STAG1: variants seen among roughly 807,000 people sequenced by gnomAD.
STAG1 encodes STAG1 cohesin complex component, also known as cohesin subunit SA-1.
In STAG1, 26 loss-of-function variants were observed where a neutral mutation model predicts 170.9. That is an observed-to-expected ratio of 0.15 (90% CI 0.11 to 0.21). The LOEUF (loss-of-function observed/expected upper bound fraction) is 0.21, where lower values mean the gene tolerates loss of function less well. STAG1 is among the 10% of genes least tolerant of loss of function. The pLI is 1.00. For synonymous variants in STAG1, 514 were observed against 497.7 expected (o/e 1.03, Z -0.44); for missense variants, 964 against 1,509.5 (o/e 0.64, Z 5.99).
At chr3:136,595,899 A>T (rs1938405870) in intron 4 of STAG1, among the ~76,000 whole-genome samples, 1 of 152,182 alleles carries the variant, frequency 6.6e-6, no homozygotes, top group African/African-American at 2.4e-5. Flanking sequence ...TCAATTTTAC[A>T]AAAAGTATTC....
At position 136,724,533 on chromosome 3, in the gene STAG1, C is replaced by T. The variant is rs1369602073; in HGVS notation, c.-84+27662G>A. Among the ~76,000 whole-genome samples the T allele has an allele frequency of 4.6e-4, 70 of 151,340 alleles. 1 individual carries two copies. Among genetic ancestry groups the T allele is most frequent in the Admixed American group, 4.5e-3 (69 of 15,188 alleles). Reference sequence around the variant, plus strand: ...TTGTTCACTTGTTTATCTGCTGACCCTCCCTCCACTATTGTCCTATGACCC... The same window carrying T: ...TTGTTCACTTGTTTATCTGCTGACCTTCCCTCCACTATTGTCCTATGACCC... On this transcript the variant is annotated intron_variant, in intron 1 of 33. Transcript: ENST00000383202.
At chr3:136,493,211 T>TA (rs2090154524) in intron 9 of STAG1, among the ~76,000 whole-genome samples, 1 of 151,986 alleles carries the variant, frequency 6.6e-6, no homozygotes, top group African/African-American at 2.4e-5. Context: ...GGTATGGTAG[T>TA]GTGTGCCTGT....
chr3:136,477,691 C>A (rs2089788682), intron 9 of STAG1, among the ~76,000 whole-genome samples: 1 of 152,184 alleles, frequency 6.6e-6, no homozygotes, highest in Non-Finnish European at 1.5e-5. Context: ...GAGAGCCTCA[C>A]AACTATTACA....
In STAG1 at chr3:136,416,011, A is replaced by C. The variant is rs1046820268; in HGVS notation, c.2196+1874T>G. Among the ~76,000 whole-genome samples, 119 of 147,100 alleles carry C rather than the reference A, an allele frequency of 8.1e-4. 1 individual carries two copies. Among genetic ancestry groups the C allele is most frequent in the African/African-American group, 2.8e-3 (117 of 41,318 alleles). On this transcript the variant is annotated intron_variant, in intron 21 of 33. Coordinates refer to ENST00000383202, the MANE Select transcript of STAG1 (RefSeq NM_005862.3). ...GAAATTAACAAAGTTAAAGCCATAA[A>C]ACTTTTTTTTTTTTTGAGACGGAGT...
intron 24 of STAG1, among the ~76,000 whole-genome samples, chr3:136,367,953 C>T (rs534897818): frequency 2.0e-5 from 3 of 152,254 alleles, no homozygotes; most frequent in Admixed American, 6.5e-5. Flanking sequence ...CTGACCCTCC[C>T]GTGTCCTGGC....
chr3:136,667,291 T>C (rs750682449), intron 1 of STAG1, among the ~76,000 whole-genome samples: 3 of 152,166 alleles, frequency 2.0e-5, no homozygotes, highest in Admixed American at 1.3e-4. Context: ...CTCACACCTA[T>C]AATTCCAGCA....
At chr3:136,662,860 T>A (rs369632486) in intron 1 of STAG1, among the ~76,000 whole-genome samples, 12 of 152,270 alleles carry the variant, frequency 7.9e-5, no homozygotes, top group African/African-American at 2.2e-4. Flanking sequence ...AAGACCAGCT[T>A]TGCCAACATG....
intron 15 of STAG1, 116 bp from the exon 16 acceptor site, chr3:136,433,775 C>A: frequency 2.8e-6 from 2 of 720,980 alleles, no homozygotes; most frequent in South Asian, 1.7e-5. Flanking sequence ...ATTTTAAAGA[C>A]TAAAGTTAAG....
intron 21 of STAG1, among the ~76,000 whole-genome samples, chr3:136,411,930 G>C (rs1248824326): frequency 2.0e-5 from 3 of 151,858 alleles, no homozygotes; most frequent in Non-Finnish European, 2.9e-5. Flanking sequence ...TGGGATTACA[G>C]GCATGGACCA....
chr3:136,655,135 T>C (rs1020595114), intron 1 of STAG1, among the ~76,000 whole-genome samples: 2 of 152,168 alleles, frequency 1.3e-5, no homozygotes, highest in African/African-American at 2.4e-5. Context: ...ACAGGCAAAC[T>C]GGACTTCACA....
At position 136,346,168 on chromosome 3, in the gene STAG1, T is replaced by C. The variant is rs1029557144; in HGVS notation, c.3272-2162A>G. ...CTCCTGTGTTTGGCACATCAGAGCA[T>C]TGACCATGGTGAAATCAAACAGCCT... On this transcript the variant is annotated intron_variant, in intron 29 of 33. Coordinates refer to ENST00000383202, the MANE Select transcript of STAG1 (RefSeq NM_005862.3). 9.8e-5 allele frequency among the ~76,000 whole-genome samples: 15 copies of C among 152,338 alleles called. 3 individuals carry two copies. Among genetic ancestry groups the C allele is most frequent in the Admixed American group, 6.5e-5 (1 of 15,296 alleles).
At chr3:136,660,034 A>T (rs890200809) in intron 1 of STAG1, among the ~76,000 whole-genome samples, 3 of 152,244 alleles carry the variant, frequency 2.0e-5, no homozygotes, top group Non-Finnish European at 4.4e-5. Context: ...TTAAATTTTT[A>T]AAAATTAATG....
intron 3 of STAG1, 148 bp from the exon 4 acceptor site, chr3:136,604,621 C>T: frequency 1.4e-6 from 1 of 694,350 alleles, no homozygotes; most frequent in Admixed American, 3.4e-5. Flanking sequence ...AAGAGCAAAA[C>T]ATAAGTTTAT....
intron 7 of STAG1, among the ~76,000 whole-genome samples, chr3:136,512,364 G>A (rs926116423): frequency 1.3e-5 from 2 of 152,072 alleles, no homozygotes; most frequent in African/African-American, 2.4e-5. Context: ...GCTATTAGAA[G>A]TAGTAGGTTC....
At chr3:136,704,353 G>T (rs1281205008) in intron 1 of STAG1, among the ~76,000 whole-genome samples, 1 of 151,860 alleles carries the variant, frequency 6.6e-6, no homozygotes, top group Non-Finnish European at 1.5e-5. Context: ...GCCCAGGCAT[G>T]ATTTTTTTAA....
At chr3:136,378,712 G>A (rs746537986) in intron 22 of STAG1, among the ~76,000 whole-genome samples, 1 of 152,138 alleles carries the variant, frequency 6.6e-6, no homozygotes, top group Non-Finnish European at 1.5e-5. Flanking sequence ...ACCAGGCACT[G>A]GTTTAAGGGC....
chr3:136,521,250 G>A lies in STAG1; in HGVS notation c.639C>T (p.Ser213=). 2 of 1,613,646 alleles carry A rather than the reference G, an allele frequency of 1.2e-6. No individual in the cohort carries two copies. The highest frequency in any genetic ancestry group is 1.7e-6 in the Non-Finnish European group (2 of 1,179,766). Residue 213 remains serine, a synonymous_variant, in exon 7 of 34, where the codon TCC becomes TCT. Coordinates refer to ENST00000383202, the MANE Select transcript of STAG1 (RefSeq NM_005862.3). ...TTGTATGCCTAAAAGCTCTGACCTGGGAGTCTGACAAACCCGTCAAAAGGG... is the reference window on the plus strand; with the variant it reads ...TTGTATGCCTAAAAGCTCTGACCTGAGAGTCTGACAAACCCGTCAAAAGGG... ...VISLLTGLSD[S]QVRAFRHTST...
intron 6 of STAG1, among the ~76,000 whole-genome samples, chr3:136,521,970 G>A (rs1934700811): frequency 6.6e-6 from 1 of 152,068 alleles, no homozygotes; most frequent in Admixed American, 6.5e-5. Context: ...TTCATACACT[G>A]GACTGATTAA....
intron 1 of STAG1, among the ~76,000 whole-genome samples, chr3:136,697,728 C>T (rs1942940750): frequency 6.6e-6 from 1 of 152,178 alleles, no homozygotes. Flanking sequence ...TACTTCAGCT[C>T]CCTGGAATTA....
Sources: allele counts gnomAD v4.1 joint callset (sites outside exome capture counted in the v4.1 genomes callset), GRCh38; gene constraint gnomAD v4.1.1; transcripts MANE v1.5; gene names NCBI Gene and HGNC (gene_info 2026-07-23, HGNC 2026-07-21).